The following KNSTRN variants were observed in gnomAD, a reference collection of about 807,000 sequenced individuals.
The protein encoded by KNSTRN is kinetochore localized astrin (SPAG5) binding protein, also known as small kinetochore-associated protein.
Under a neutral mutation model 44.7 loss-of-function variants are expected in KNSTRN, and 38 were observed. The ratio of observed to expected loss-of-function variants is 0.85; its 90% CI spans 0.66 to 1.11. The LOEUF (loss-of-function observed/expected upper bound fraction) is 1.11. Among genes scored for constraint, KNSTRN ranks in the 50% most tolerant of loss-of-function variants. The pLI, the probability that KNSTRN is intolerant of heterozygous loss-of-function variation, is 0.00. For missense variants in KNSTRN, 406 were observed against 375.8 expected (o/e 1.08, Z -0.66); for synonymous variants, 158 against 148.1 (o/e 1.07, Z -0.48).
intron 6 of KNSTRN, among the ~76,000 whole-genome samples, chr15:40,391,148 T>G (rs1314303601): frequency 6.6e-6 from 1 of 152,174 alleles, no homozygotes; most frequent in Non-Finnish European, 1.5e-5. Flanking sequence ...AATAATTTTT[T>G]AAGGCCTGAA....
chr15:40,390,558 TA>T (rs1242115029), intron 6 of KNSTRN, among the ~76,000 whole-genome samples: 1 of 151,858 alleles, frequency 6.6e-6, no homozygotes, highest in Admixed American at 6.6e-5. Context: ...GGCCTTTTTG[TA>T]TTAAGGAATA....
chr15:40,391,385 G>A (rs1450230319), intron 6 of KNSTRN, 108 bp from the exon 7 acceptor site: 4 of 878,726 alleles, frequency 4.6e-6, no homozygotes, highest in Non-Finnish European at 7.2e-6. Flanking sequence ...ACACTTAAGA[G>A]AAATTCCCCT....
intron 2 of KNSTRN, chr15:40,384,563 A>T (rs1595737243): frequency 2.2e-6 from 1 of 449,410 alleles, no homozygotes; most frequent in East Asian, 7.1e-5. Context: ...GGTGCCCCTG[A>T]GTCAGTGGGC....
At chr15:40,386,858 C>G in intron 3 of KNSTRN, 1 of 531,620 alleles carries the variant, frequency 1.9e-6, no homozygotes, top group Non-Finnish European at 3.4e-6. Flanking sequence ...GTGTATGTCC[C>G]CAGCCAGCAG....
rs766921711 is a variant in KNSTRN at position 40,383,295 on chromosome 15, T to A, written c.277T>A (p.Ser93Thr). 3.7e-6 allele frequency: 6 copies of A among 1,613,346 alleles called. No individual in the cohort carries two copies. The highest frequency in any genetic ancestry group is 5.1e-6 in the Non-Finnish European group (6 of 1,179,520). ...VKTVYSLQPP[S>T]ALSGGQPADT... ...GACAGTGTATAGCCTGCAGCCCCCCTCTGCGCTGAGCGGCGGCCAGCCGGC... is the reference window on the plus strand; with the variant it reads ...GACAGTGTATAGCCTGCAGCCCCCCACTGCGCTGAGCGGCGGCCAGCCGGC... Residue 93 changes from serine to threonine, a missense_variant, in exon 2 of 9, where the codon TCT becomes ACT. Physicochemically the swap from Ser to Thr is moderately conservative, Grantham distance 58. Transcript: ENST00000249776.
chr15:40,392,029 A>C lies in KNSTRN; in HGVS notation c.822+6A>C. On this transcript the variant is annotated splice_donor_region_variant and intron_variant, in intron 8 of 8. Coordinates refer to ENST00000249776, the MANE Select transcript of KNSTRN (RefSeq NM_033286.4). The stretch of plus-strand genomic sequence containing the variant: ...AGCAGATGGAGGAGTTACAGGTGAG[A>C]GGCAGACATCACCCTGACCATTTCC... 6.2e-7 allele frequency: 1 copy of C among 1,603,612 alleles called. No homozygotes were observed. The highest frequency in any genetic ancestry group is 2.3e-5 in the East Asian group (1 of 44,136).
At chr15:40,386,920 G>A in intron 3 of KNSTRN, 1 of 576,618 alleles carries the variant, frequency 1.7e-6, no homozygotes, top group South Asian at 2.0e-5. Flanking sequence ...ATCTTGAGAG[G>A]AACAGCTCTG....
intron 8 of KNSTRN, among the ~76,000 whole-genome samples, chr15:40,392,650 C>G (rs1309770081): frequency 6.6e-6 from 1 of 152,138 alleles, no homozygotes; most frequent in African/African-American, 2.4e-5. Flanking sequence ...CACTGTTGTC[C>G]CCCAGGCTGG....
At chr15:40,391,262 C>T (rs2141276053) in intron 6 of KNSTRN, among the ~76,000 whole-genome samples, 1 of 152,208 alleles carries the variant, frequency 6.6e-6, no homozygotes, top group South Asian at 2.1e-4. Flanking sequence ...AGAAAGTATA[C>T]CGAATTTTTG....
chr15:40,393,765 A>G lies in KNSTRN; in HGVS notation c.*168A>G. 1 of 596,920 alleles carries G rather than the reference A, an allele frequency of 1.7e-6. No homozygotes were observed. The highest frequency in any genetic ancestry group is 2.7e-6 in the Non-Finnish European group (1 of 369,944). 37.0% of individuals were successfully genotyped at this position (596,920 alleles called of 1,614,324 possible). A position where few individuals can be genotyped will look rare whatever the true frequency, so the allele number is the denominator to read the frequency against. ...ATGCTGAAATGGCAATTCCTCATTT[A>G]AGCAAGTTTTCCCAACCTTCAGGTT... On this transcript the variant is annotated 3_prime_UTR_variant, in exon 9 of 9. Coordinates refer to ENST00000249776, the MANE Select transcript of KNSTRN (RefSeq NM_033286.4).
intron 2 of KNSTRN, chr15:40,384,291 G>A (rs576333316): frequency 9.9e-4 from 308 of 310,612 alleles, no homozygotes; most frequent in African/African-American, 6.4e-3. Context: ...GGAGAATGGC[G>A]TGAACCCGGG....
At chr15:40,385,639 AAAC>A (rs754229348) in intron 2 of KNSTRN, among the ~76,000 whole-genome samples, 6 of 152,214 alleles carry the variant, frequency 3.9e-5, no homozygotes, top group Non-Finnish European at 5.9e-5. Context: ...ATTCTAGTAA[AAAC>A]AACGAAGTAA....
At position 40,382,920 on chromosome 15, in the gene KNSTRN, C is replaced by A. The variant is rs1162430213; in HGVS notation, c.85C>A (p.Pro29Thr). The change falls in exon 1 of 9, where the codon CCT becomes ACT. Residue 29 changes from proline to threonine, a missense_variant. Transcript: ENST00000249776. Reference sequence around the variant, plus strand: ...AGAGTGCGATTCCCACCCACTTCCGCCTAGCTACCGGAAGTTTCTATTTGA... The same window carrying A: ...AGAGTGCGATTCCCACCCACTTCCGACTAGCTACCGGAAGTTTCTATTTGA... The part of the protein sequence containing the change: ...STECDSHPLP[P>T]SYRKFLFETQ... The A allele has an allele frequency of 6.8e-6, 11 of 1,612,218 alleles. No homozygotes were observed. The highest frequency in any genetic ancestry group is 9.3e-6 in the Non-Finnish European group (11 of 1,180,046).
Position 40,383,293 on chromosome 15 carries a change from C to G in KNSTRN, c.275C>G (p.Pro92Arg), listed in dbSNP as rs374473391. The part of the protein sequence containing the change: ...VVKTVYSLQP[P>R]SALSGGQPAD... Reference sequence around the variant, plus strand: ...AAGACAGTGTATAGCCTGCAGCCCCCCTCTGCGCTGAGCGGCGGCCAGCCG... The same window carrying G: ...AAGACAGTGTATAGCCTGCAGCCCCGCTCTGCGCTGAGCGGCGGCCAGCCG... Residue 92 changes from proline to arginine, a missense_variant, in exon 2 of 9, where the codon CCC becomes CGC. Transcript: ENST00000249776. 1.2e-5 allele frequency: 20 copies of G among 1,613,510 alleles called. No individual in the cohort carries two copies. Among genetic ancestry groups the G allele is most frequent in the Non-Finnish European group, 1.6e-5 (19 of 1,179,558 alleles).
At chr15:40,393,161 A>G in intron 8 of KNSTRN, 1 of 1,611,540 alleles carries the variant, frequency 6.2e-7, no homozygotes, top group Non-Finnish European at 8.5e-7. Context: ...GACCTGTAGT[A>G]AGCACAGATT....
In KNSTRN at chr15:40,386,589, C is replaced by T. The variant is rs183282580; in HGVS notation, c.437+95C>T. 112 of 1,339,240 alleles carry T rather than the reference C, an allele frequency of 8.4e-5. 1 individual carries two copies. In the East Asian group the frequency reaches 2.1e-3, roughly 25 times the overall value. 83.0% of individuals were successfully genotyped at this position (1,339,240 alleles called of 1,614,324 possible). A position where few individuals can be genotyped will look rare whatever the true frequency, so the allele number is the denominator to read the frequency against. On this transcript the variant is annotated intron_variant, in intron 3 of 8. Transcript: ENST00000249776. ...ACAGAGTTTTGGACAACACAAGTCT[C>T]CTGAACAACTGGCCTTCAATCAGTG...
At chr15:40,391,122 T>G (rs1889989394) in intron 6 of KNSTRN, among the ~76,000 whole-genome samples, 1 of 152,138 alleles carries the variant, frequency 6.6e-6, no homozygotes, top group African/African-American at 2.4e-5. Flanking sequence ...TACATGCATG[T>G]GATATTACCG....
chr15:40,388,181 A>G (rs957556767), intron 4 of KNSTRN, among the ~76,000 whole-genome samples: 4 of 152,236 alleles, frequency 2.6e-5, no homozygotes, highest in Non-Finnish European at 5.9e-5. Flanking sequence ...GTGGGAAATC[A>G]GGGGTCTCAC....
At chr15:40,390,643 C>A (rs1040425753) in intron 6 of KNSTRN, among the ~76,000 whole-genome samples, 1 of 149,898 alleles carries the variant, frequency 6.7e-6, no homozygotes, top group Non-Finnish European at 1.5e-5. Flanking sequence ...GAGATGAAGT[C>A]TCATTCCATT....
Sources: gnomAD v4.1 joint callset for allele counts (sites outside exome capture counted in the v4.1 genomes callset) on GRCh38, gnomAD v4.1.1 for gene constraint, MANE v1.5 for transcripts, NCBI Gene and HGNC (gene_info 2026-07-23, HGNC 2026-07-21) for gene names.